The following LMAN2L variants were observed in gnomAD, a reference collection of about 807,000 sequenced individuals.
LMAN2L encodes the protein lectin, mannose binding 2 like, also known as VIP36-like protein.
Under a neutral mutation model 44.3 loss-of-function variants are expected in LMAN2L, and 30 were observed. That is an observed-to-expected ratio of 0.68 (90% CI 0.51 to 0.92). The LOEUF is 0.92. Ranked by LOEUF, LMAN2L falls within the 40% of genes least tolerant of loss-of-function variation. LMAN2L has a pLI of 0.00. For synonymous variants in LMAN2L, 183 were observed against 171.1 expected (o/e 1.07, Z -0.54); for missense variants, 429 against 446.1 (o/e 0.96, Z 0.35).
At chr2:96,736,820 A>G (rs181706667) in intron 2 of LMAN2L, among the ~76,000 whole-genome samples, 2 of 152,294 alleles carry the variant, frequency 1.3e-5, no homozygotes, top group African/African-American at 4.8e-5. Flanking sequence ...ACTGTCCTTT[A>G]TCTCTGCTAC....
intron 4 of LMAN2L, among the ~76,000 whole-genome samples, chr2:96,715,481 G>A (rs139901459): frequency 1.8e-3 from 279 of 152,276 alleles, no homozygotes; most frequent in Non-Finnish European, 3.4e-3. Context: ...TTTCACACAG[G>A]AGCAATTTTG....
chr2:96,735,461 C>G (rs1340207269), intron 2 of LMAN2L, among the ~76,000 whole-genome samples: 2 of 152,196 alleles, frequency 1.3e-5, no homozygotes, highest in Non-Finnish European at 2.9e-5. Context: ...CTGCATTGAG[C>G]AAGGGGCCTG....
chr2:96,726,555 G>A (rs1209710614), intron 4 of LMAN2L, among the ~76,000 whole-genome samples: 2 of 152,016 alleles, frequency 1.3e-5, no homozygotes, highest in Non-Finnish European at 2.9e-5. Flanking sequence ...GGCCGAGATG[G>A]GCAGATCACC....
intron 3 of LMAN2L, among the ~76,000 whole-genome samples, chr2:96,734,053 T>G (rs1324035215): frequency 6.6e-6 from 1 of 152,184 alleles, no homozygotes; most frequent in Non-Finnish European, 1.5e-5. Flanking sequence ...AATAGATAAC[T>G]CTTCTCTTGA....
intron 1 of LMAN2L, among the ~76,000 whole-genome samples, chr2:96,738,462 T>C (rs1311783401): frequency 6.6e-6 from 1 of 152,090 alleles, no homozygotes; most frequent in Non-Finnish European, 1.5e-5. Flanking sequence ...GAGGGCATCT[T>C]GAGGTCAGCA....
chr2:96,710,618 G>A (rs2077894097), intron 6 of LMAN2L, among the ~76,000 whole-genome samples: 1 of 151,986 alleles, frequency 6.6e-6, no homozygotes, highest in Admixed American at 6.6e-5. Context: ...GAGCTGACAT[G>A]GCGCCACTGC....
intron 4 of LMAN2L, chr2:96,713,059 G>T: frequency 1.3e-6 from 2 of 1,500,798 alleles, no homozygotes; most frequent in Non-Finnish European, 9.1e-7. Flanking sequence ...AATGTTGGAT[G>T]GACACATGGG....
Position 96,734,540 on chromosome 2 carries a change from G to A in LMAN2L, c.307-14C>T. On this transcript the variant is annotated splice_polypyrimidine_tract_variant and intron_variant, in intron 2 of 7. Transcript: ENST00000264963. ...CAGGAAACATGGCTAAAGTGAGAAA[G>A]ACATTAGAATCAATGAGGAGCATGA... 6.6e-7 allele frequency: 1 copy of A among 1,505,784 alleles called. No individual in the cohort carries two copies. Among genetic ancestry groups the A allele is most frequent in the Non-Finnish European group, 9.2e-7 (1 of 1,081,166 alleles). The allele number at this position is 1,505,784 out of a possible 1,614,324, so 93.3% of individuals were successfully genotyped here. A position where few individuals can be genotyped will look rare whatever the true frequency, so the allele number is the denominator to read the frequency against.
At position 96,711,910 on chromosome 2, in the gene LMAN2L, T is replaced by TG; in HGVS notation, c.622dup (p.His208ProfsTer22). The TG allele has an allele frequency of 6.2e-7, 1 of 1,614,156 alleles. No homozygotes were observed. The highest frequency in any genetic ancestry group is 8.5e-7 in the Non-Finnish European group (1 of 1,180,038). ...GCGAATCACCAGGAAGGTGTCGTAA[T>TG]GAAGATTGCGGACAATGGCTGTGCA... On this transcript the variant is annotated frameshift_variant, in exon 5 of 8. Coordinates refer to ENST00000264963, the MANE Select transcript of LMAN2L (RefSeq NM_030805.4). LOFTEE classifies it high-confidence loss of function.
chr2:96,728,836 C>A (rs1308676785), intron 4 of LMAN2L, among the ~76,000 whole-genome samples: 1 of 151,852 alleles, frequency 6.6e-6, no homozygotes, highest in East Asian at 1.9e-4. Flanking sequence ...CATGCCACTG[C>A]ACTCCAGCCT....
At chr2:96,727,076 T>C in intron 4 of LMAN2L, among the ~76,000 whole-genome samples, 1 of 151,894 alleles carries the variant, frequency 6.6e-6, no homozygotes, top group East Asian at 1.9e-4. Flanking sequence ...AGAGCGAGAC[T>C]CTATCTCAAA....
At chr2:96,713,673 G>A (rs1252284466) in intron 4 of LMAN2L, among the ~76,000 whole-genome samples, 1 of 152,178 alleles carries the variant, frequency 6.6e-6, no homozygotes, top group Non-Finnish European at 1.5e-5. Flanking sequence ...CTTGCCACTT[G>A]AGAGACTATG....
At position 96,706,387 on chromosome 2, in the gene LMAN2L, C is replaced by G. The variant is rs1573991399; in HGVS notation, c.*869G>C. 1.3e-5 allele frequency: 2 copies of G among 152,344 alleles called. No individual in the cohort carries two copies. Among genetic ancestry groups the G allele is most frequent in the Middle Eastern group, 6.8e-3 (2 of 294 alleles). 9.4% of individuals were successfully genotyped at this position (152,344 alleles called of 1,614,324 possible). A position where few individuals can be genotyped will look rare whatever the true frequency, so the allele number is the denominator to read the frequency against. ...CCAGAAACATCTCCACATGGTCAGA[C>G]CACATGACAAATGTTGCTTTTGGTT... On this transcript the variant is annotated 3_prime_UTR_variant, in exon 8 of 8. Transcript: ENST00000264963.
chr2:96,734,261 C>G (rs978557965), intron 3 of LMAN2L, 148 bp downstream of exon 3: 1 of 670,666 alleles, frequency 1.5e-6, no homozygotes, highest in Non-Finnish European at 2.7e-6. Context: ...CAGACCCGTT[C>G]TAGAGACTAG....
intron 7 of LMAN2L, 108 bp downstream of exon 7, chr2:96,707,605 AC>A (rs1429008889): frequency 7.2e-7 from 1 of 1,382,986 alleles, no homozygotes; most frequent in Non-Finnish European, 9.9e-7. Context: ...AGTGCTCCCT[AC>A]CCTTCAGAAG....
Position 96,740,016 on chromosome 2 carries a change from C to T in LMAN2L, c.25G>A (p.Gly9Arg). ...CATCGCCGCCACTGCTGCCACGACC[C>T]AAGGGGTCCCAGAGTCGCCGCCATC... MAATLGPL[G>R]SWQQWRRCLS... is the part of the protein sequence containing the mutation. The change falls in exon 1 of 8, where the codon GGG (glycine) becomes AGG (arginine). Residue 9 changes from glycine to arginine, a missense_variant. Coordinates refer to ENST00000264963, the MANE Select transcript of LMAN2L (RefSeq NM_030805.4). 1 of 1,612,624 alleles carries T rather than the reference C, an allele frequency of 6.2e-7. No homozygotes were observed. The highest frequency in any genetic ancestry group is 1.1e-5 in the South Asian group (1 of 91,066).
intron 6 of LMAN2L, among the ~76,000 whole-genome samples, chr2:96,709,796 T>A (rs1445177167): frequency 6.6e-6 from 1 of 152,188 alleles, no homozygotes; most frequent in Non-Finnish European, 1.5e-5. Flanking sequence ...AAGAAACAAC[T>A]TGCATTTAGG....
In LMAN2L at chr2:96,739,854, C is replaced by T; in HGVS notation, c.187G>A (p.Gly63Ser). ...REHSLSKPYQ[G>S]VGTGSSSLWN... ...GACCACCTCACCCTGGGCGCCTCAC[C>T]CTGGTAGGGCTTCGACAGCGAGTGC... The change falls in exon 1 of 8, where the codon GGT (glycine) becomes AGT (serine). Residue 63 changes from glycine (G) to serine (S), a missense_variant and splice_region_variant. Gly to Ser is a moderately conservative substitution (Grantham distance 56). Coordinates refer to ENST00000264963, the MANE Select transcript of LMAN2L (RefSeq NM_030805.4). The T allele has an allele frequency of 6.2e-7, 1 of 1,613,528 alleles. No homozygotes were observed. The highest frequency in any genetic ancestry group is 2.2e-5 in the East Asian group (1 of 44,880).
At chr2:96,731,055 C>A (rs570779036) in intron 4 of LMAN2L, among the ~76,000 whole-genome samples, 5 of 152,242 alleles carry the variant, frequency 3.3e-5, no homozygotes, top group African/African-American at 1.2e-4. Context: ...CAGACCTCAA[C>A]CTAAAAGGCA....
Sources: gnomAD v4.1 joint callset for allele counts (sites outside exome capture counted in the v4.1 genomes callset) on GRCh38, gnomAD v4.1.1 for gene constraint, MANE v1.5 for transcripts, NCBI Gene and HGNC (gene_info 2026-07-23, HGNC 2026-07-21) for gene names.